The following WDR70 variants were observed in gnomAD, a reference collection of about 807,000 sequenced individuals.
WDR70 encodes the protein WD repeat domain 70.
WDR70 carries 53 observed loss-of-function variants against 88.6 expected under a neutral mutation model. That is an observed-to-expected ratio of 0.60 (90% CI 0.48 to 0.75). The LOEUF is 0.75. Ranked by LOEUF, WDR70 falls within the 30% of genes least tolerant of loss-of-function variation. The pLI, the probability that WDR70 is intolerant of heterozygous loss-of-function variation, is 0.00. For missense variants in WDR70, 610 were observed against 823.2 expected (o/e 0.74, Z 3.17); for synonymous variants, 280 against 270.0 (o/e 1.04, Z -0.36).
rs532294152 is a variant in WDR70, at chr5:37,399,926, ATTAT to A, written c.492+3366_492+3369del. Among the ~76,000 whole-genome samples the A allele has an allele frequency of 1.9e-3, 291 of 151,946 alleles. 1 individual carries two copies. Among genetic ancestry groups the A allele is most frequent in the African/African-American group, 6.2e-3 (257 of 41,450 alleles). ...TAGAATACAGTGGTTATTTATTTTT[ATTAT>A]TTATTTATTCATTTATTTTTGAGAT... On this transcript the variant is annotated intron_variant, in intron 5 of 17. Transcript: ENST00000265107.
At chr5:37,721,323 AT>A in intron 14 of WDR70, 108 bp downstream of exon 14, 1 of 956,704 alleles carries the variant, frequency 1.0e-6, no homozygotes, top group Non-Finnish European at 1.6e-6. Flanking sequence ...AGATCCACCC[AT>A]TTAGAAAATG....
At chr5:37,454,313 G>GT (rs1036969666) in intron 7 of WDR70, among the ~76,000 whole-genome samples, 5 of 151,796 alleles carry the variant, frequency 3.3e-5, no homozygotes, top group East Asian at 3.9e-4. Context: ...GATATGTTTA[G>GT]TTTTTTTTAA....
At chr5:37,740,325 A>T (rs1748436593) in intron 17 of WDR70, among the ~76,000 whole-genome samples, 1 of 152,362 alleles carries the variant, frequency 6.6e-6, no homozygotes, top group South Asian at 2.1e-4. Flanking sequence ...TTTCAAAAGA[A>T]TAACTGCTGG....
intron 15 of WDR70, 186 bp downstream of exon 15, chr5:37,723,120 G>GAA: frequency 3.2e-6 from 2 of 633,458 alleles, no homozygotes; most frequent in Non-Finnish European, 2.7e-6. Flanking sequence ...ACTCATCACA[G>GAA]GGACAGGGTT....
intron 10 of WDR70, among the ~76,000 whole-genome samples, chr5:37,655,575 G>A (rs982698161): frequency 2.6e-5 from 4 of 152,026 alleles, no homozygotes; most frequent in South Asian, 2.1e-4. Flanking sequence ...AGGTACACCC[G>A]TCAAACGCAG....
At position 37,679,453 on chromosome 5, in the gene WDR70, A is replaced by G. The variant is rs1441533838; in HGVS notation, c.1093-18202A>G. On this transcript the variant is annotated intron_variant, in intron 10 of 17. Coordinates refer to ENST00000265107, the MANE Select transcript of WDR70 (RefSeq NM_018034.4). Reference sequence around the variant, plus strand: ...TTTGTTAGTTTTCCTTCTAACAGACAGAACCCTCAGCTGCAGGTCTGTTGG... The same window carrying G: ...TTTGTTAGTTTTCCTTCTAACAGACGGAACCCTCAGCTGCAGGTCTGTTGG... 3.3e-5 allele frequency among the ~76,000 whole-genome samples: 5 copies of G among 152,136 alleles called. No homozygotes were observed. In the East Asian group the frequency reaches 9.6e-4, roughly 29 times the overall value.
At chr5:37,602,311 T>C (rs577929650) in intron 9 of WDR70, among the ~76,000 whole-genome samples, 1 of 144,500 alleles carries the variant, frequency 6.9e-6, no homozygotes, top group African/African-American at 2.6e-5. Context: ...AAAAGATCAG[T>C]ACACTGAAAA....
chr5:37,379,637 C>T, intron 2 of WDR70, 83 bp downstream of exon 2: 1 of 1,457,978 alleles, frequency 6.9e-7, no homozygotes, highest in Non-Finnish European at 9.6e-7. Flanking sequence ...ATCGAGCTGT[C>T]AACTCGGAAT....
At chr5:37,592,210 C>T (rs1022363643) in intron 9 of WDR70, among the ~76,000 whole-genome samples, 1 of 152,116 alleles carries the variant, frequency 6.6e-6, no homozygotes, top group African/African-American at 2.4e-5. Flanking sequence ...TTTCGTAATA[C>T]ATTATACACA....
intron 5 of WDR70, among the ~76,000 whole-genome samples, chr5:37,410,193 G>GTTTTTTTTTTT (rs952637754): frequency 6.7e-5 from 8 of 119,448 alleles, no homozygotes; most frequent in African/African-American, 1.2e-4. Flanking sequence ...GAGTTTGTTA[G>GTTTTTTTTTTT]TTTTTTTTTT....
At chr5:37,733,020 T>C (rs1340130619) in intron 17 of WDR70, among the ~76,000 whole-genome samples, 1 of 152,114 alleles carries the variant, frequency 6.6e-6, no homozygotes, top group Non-Finnish European at 1.5e-5. Context: ...ATTGTTATAT[T>C]AATTACTACA....
chr5:37,598,422 T>C (rs1743765506), intron 9 of WDR70, among the ~76,000 whole-genome samples: 1 of 152,200 alleles, frequency 6.6e-6, no homozygotes, highest in South Asian at 2.1e-4. Context: ...TAAACATATC[T>C]AGGATAGTGC....
At chr5:37,432,881 GAGGT>G (rs1338773935) in intron 5 of WDR70, among the ~76,000 whole-genome samples, 31 of 152,190 alleles carry the variant, frequency 2.0e-4, no homozygotes, top group African/African-American at 7.5e-4. Context: ...ATTTTAAAAT[GAGGT>G]GGTTTGTTTT....
At position 37,605,128 on chromosome 5, in the gene WDR70, A is replaced by G. The variant is rs1203711846; in HGVS notation, c.982A>G (p.Met328Val). 7.4e-6 allele frequency: 12 copies of G among 1,613,692 alleles called. No individual in the cohort carries two copies. The highest frequency in any genetic ancestry group is 1.1e-5 in the South Asian group (1 of 90,980). ...KQKSVFKPRT[M>V]QGKKVIPTTC... is the part of the protein sequence containing the mutation. ...AAAAAGTGTGTTTAAACCACGGACG[A>G]TGCAAGGCAAAAAAGTCATTCCCAC... Residue 328 changes from methionine to valine, a missense_variant, in exon 10 of 18, where the codon ATG becomes GTG. Physicochemically the swap from Met to Val is conservative, Grantham distance 21. This residue lies in a region of WDR70 where 254 missense variants were observed against 300.7 expected (regional missense o/e 0.84). Coordinates refer to ENST00000265107, the MANE Select transcript of WDR70 (RefSeq NM_018034.4).
At chr5:37,469,291 C>T (rs1350736677) in intron 7 of WDR70, among the ~76,000 whole-genome samples, 1 of 152,164 alleles carries the variant, frequency 6.6e-6, no homozygotes, top group Admixed American at 6.5e-5. Flanking sequence ...CCTGCTGATA[C>T]AGGACCAAAG....
intron 9 of WDR70, among the ~76,000 whole-genome samples, chr5:37,549,273 G>T (rs1332890980): frequency 6.6e-6 from 1 of 152,116 alleles, no homozygotes; most frequent in Non-Finnish European, 1.5e-5. Flanking sequence ...CATGAACATA[G>T]AATATTTTTC....
intron 5 of WDR70, among the ~76,000 whole-genome samples, chr5:37,398,978 C>G (rs1749113117): frequency 6.6e-6 from 1 of 151,962 alleles, no homozygotes; most frequent in Admixed American, 6.6e-5. Flanking sequence ...CTTGACTCTA[C>G]TAAGAAAATA....
At position 37,446,757 on chromosome 5, in the gene WDR70, A is replaced by G. The variant is rs1028464675; in HGVS notation, c.686+3385A>G. On this transcript the variant is annotated intron_variant, in intron 7 of 17. Coordinates refer to ENST00000265107, the MANE Select transcript of WDR70 (RefSeq NM_018034.4). The stretch of plus-strand genomic sequence containing the variant: ...GCCATATGTAGAAAGCTGAAACTGG[A>G]TCCCTTCCTTATACCTTACACAAAA... Among the ~76,000 whole-genome samples, 23 of 152,204 alleles carry G rather than the reference A, an allele frequency of 1.5e-4. 1 individual carries two copies. The highest frequency in any genetic ancestry group is 4.6e-4 in the African/African-American group (19 of 41,444).
intron 10 of WDR70, among the ~76,000 whole-genome samples, chr5:37,693,112 A>G (rs1746860969): frequency 6.6e-6 from 1 of 152,222 alleles, no homozygotes; most frequent in Non-Finnish European, 1.5e-5. Flanking sequence ...CCCATTCACA[A>G]TTGCTACAAA....
Sources: gnomAD v4.1 joint callset for allele counts (sites outside exome capture counted in the v4.1 genomes callset) on GRCh38, gnomAD v4.1.1 for gene constraint, gnomAD v4.1.1 regional missense constraint, MANE v1.5 for transcripts, NCBI Gene and HGNC (gene_info 2026-07-23, HGNC 2026-07-21) for gene names.